CHST3: variants seen among roughly 807,000 people sequenced by gnomAD.
CHST3 encodes carbohydrate sulfotransferase 3.
Under a neutral mutation model 35.4 loss-of-function variants are expected in CHST3, and 20 were observed. The observed-to-expected ratio is 0.57, with a 90% confidence interval of 0.40 to 0.82. CHST3 has a LOEUF of 0.82. Among genes scored for constraint, CHST3 ranks in the 40% least tolerant of loss-of-function variants. CHST3 has a pLI of 0.00. For synonymous variants in CHST3, 334 were observed against 295.9 expected, an observed-to-expected ratio of 1.13 and a Z score of -1.32; for missense variants, 693 against 670.1, an observed-to-expected ratio of 1.03 and a Z score of -0.38.
chr10:71,996,409 CTCTG>C (rs1589504658), intron 1 of CHST3, among the ~76,000 whole-genome samples: 1 of 146,168 alleles, frequency 6.8e-6, no homozygotes, highest in South Asian at 2.2e-4. Context: ...CTCTCCCTCT[CTCTG>C]TCTCTCTACC....
chr10:71,987,197 T>C (rs1839854886), intron 1 of CHST3, among the ~76,000 whole-genome samples: 1 of 151,458 alleles, frequency 6.6e-6, no homozygotes, highest in Non-Finnish European at 1.5e-5. Flanking sequence ...GTGGCCCCTC[T>C]CTCCCTAACC....
chr10:72,007,288 C>A lies in CHST3; in HGVS notation c.257C>A (p.Ala86Asp), dbSNP rs995842020. The change falls in exon 3 of 3, where the codon GCC (alanine) becomes GAC (aspartate). Residue 86 changes from alanine to aspartate, a missense_variant. Coordinates refer to ENST00000373115, the MANE Select transcript of CHST3 (RefSeq NM_004273.5). ...TTGTCCCTGAGCGAGCTCGATTCAG[C>A]CTTCTCCCAGCTTCAGAGCCGTCTC... ...SLLSLSELDS[A>D]FSQLQSRLRN... The A allele has an allele frequency of 6.2e-7, 1 of 1,613,874 alleles. No homozygotes were observed. The highest frequency in any genetic ancestry group is 8.5e-7 in the Non-Finnish European group (1 of 1,179,956).
intron 1 of CHST3, among the ~76,000 whole-genome samples, chr10:71,983,525 A>T (rs1839820148): frequency 1.3e-5 from 2 of 152,084 alleles, no homozygotes. Flanking sequence ...ATCTTGGCTC[A>T]CTGCAACCTC....
intron 1 of CHST3, among the ~76,000 whole-genome samples, chr10:71,994,189 CAGG>C (rs1213302563): frequency 1.3e-5 from 2 of 151,648 alleles, no homozygotes; most frequent in African/African-American, 4.9e-5. Flanking sequence ...CACTTGAGCC[CAGG>C]AGTTTGAGGC....
intron 1 of CHST3, among the ~76,000 whole-genome samples, chr10:72,000,225 G>A (rs149569230): frequency 5.9e-5 from 9 of 152,178 alleles, no homozygotes; most frequent in South Asian, 4.1e-4. Context: ...ACATTGATTC[G>A]TTCATTCATT....
At chr10:71,973,414 G>C (rs1211275365) in intron 1 of CHST3, among the ~76,000 whole-genome samples, 1 of 152,202 alleles carries the variant, frequency 6.6e-6, no homozygotes, top group Admixed American at 6.5e-5. Context: ...AACAGCCCCA[G>C]GGTCCAGTTC....
At chr10:71,994,032 G>A (rs907591313) in intron 1 of CHST3, among the ~76,000 whole-genome samples, 8 of 151,830 alleles carry the variant, frequency 5.3e-5, no homozygotes, top group African/African-American at 1.2e-4. Context: ...CTCGGGAGGC[G>A]GAGGTTGCAG....
At chr10:71,995,620 A>G (rs1421034033) in intron 1 of CHST3, among the ~76,000 whole-genome samples, 1 of 152,114 alleles carries the variant, frequency 6.6e-6, no homozygotes, top group Non-Finnish European at 1.5e-5. Context: ...TGGCAGGGTT[A>G]TTAATTGGCC....
At chr10:72,004,796 GAGACACTT>G (rs776612958) in intron 1 of CHST3, among the ~76,000 whole-genome samples, 3 of 152,136 alleles carry the variant, frequency 2.0e-5, no homozygotes, top group Non-Finnish European at 4.4e-5. Context: ...CCCACCCCAG[GAGACACTT>G]AGCAATGTCT....
Position 72,007,904 on chromosome 10 carries a change from C to G in CHST3, c.873C>G (p.Arg291=). Reference sequence around the variant, plus strand: ...TGCAGCCGCTGGCCGAGGACCCCCGCCTGGACCTGCGCGTCATCCAGCTGG... The same window carrying G: ...TGCAGCCGCTGGCCGAGGACCCCCGGCTGGACCTGCGCGTCATCCAGCTGG... ...EFLQPLAEDP[R]LDLRVIQLVR... Residue 291 remains arginine, a synonymous_variant, in exon 3 of 3, where the codon CGC becomes CGG. Transcript: ENST00000373115. 1 of 1,571,466 alleles carries G rather than the reference C, an allele frequency of 6.4e-7. No individual in the cohort carries two copies. The highest frequency in any genetic ancestry group is 2.4e-5 in the East Asian group (1 of 42,302).
At position 72,007,544 on chromosome 10, in the gene CHST3, A is replaced by G. The variant is rs567771631; in HGVS notation, c.513A>G (p.Thr171=). The G allele has an allele frequency of 4.6e-5, 74 of 1,605,928 alleles. No individual in the cohort carries two copies. The East Asian group carries it at 1.5e-3, about 33-fold the overall frequency. The change falls in exon 3 of 3, where the codon ACA becomes ACG. Residue 171 remains threonine (T), a synonymous_variant. Coordinates refer to ENST00000373115, the MANE Select transcript of CHST3 (RefSeq NM_004273.5). ...LFEPLWHIER[T]VSFEPGGANA... ...AGCCGCTGTGGCACATCGAGCGCAC[A>G]GTGTCCTTCGAGCCGGGGGGCGCCA...
intron 1 of CHST3, among the ~76,000 whole-genome samples, chr10:71,973,901 A>G (rs1839719854): frequency 6.6e-6 from 1 of 152,290 alleles, no homozygotes; most frequent in Non-Finnish European, 1.5e-5. Context: ...AATGTATAGG[A>G]TACACGAGGA....
At chr10:71,990,547 G>T (rs768790176) in intron 1 of CHST3, among the ~76,000 whole-genome samples, 2 of 152,140 alleles carry the variant, frequency 1.3e-5, no homozygotes, top group South Asian at 4.2e-4. Flanking sequence ...ATTTTTATTA[G>T]AGATGGGGTT....
chr10:71,984,043 GAC>G (rs774054800), intron 1 of CHST3, among the ~76,000 whole-genome samples: 4 of 152,208 alleles, frequency 2.6e-5, no homozygotes, highest in Non-Finnish European at 4.4e-5. Context: ...TTTGTTTTGA[GAC>G]ACAGTCTCAC....
chr10:71,971,833 G>A (rs1839697929), intron 1 of CHST3, among the ~76,000 whole-genome samples: 2 of 152,186 alleles, frequency 1.3e-5, no homozygotes, highest in South Asian at 4.1e-4. Flanking sequence ...CAGGTTTGAT[G>A]TGTCTGAAGA....
intron 1 of CHST3, among the ~76,000 whole-genome samples, chr10:71,978,483 A>G (rs1022727640): frequency 3.9e-5 from 6 of 152,148 alleles, no homozygotes; most frequent in Non-Finnish European, 8.8e-5. Context: ...CATGAACTCA[A>G]CAATCCGCTC....
rs1589509492 is a variant in CHST3, at chr10:72,007,717, G to A, written c.686G>A (p.Cys229Tyr). The A allele has an allele frequency of 6.2e-7, 1 of 1,605,954 alleles. No individual in the cohort carries two copies. Among genetic ancestry groups the A allele is most frequent in the Non-Finnish European group, 8.5e-7 (1 of 1,179,710 alleles). Residue 229 changes from cysteine (C) to tyrosine (Y), a missense_variant, in exon 3 of 3, where the codon TGC becomes TAC. Cys to Tyr is a radical substitution (Grantham distance 194, BLOSUM62 -2). Transcript: ENST00000373115. ...CGCCGGGGCTCCAGCCGCTCCCTGT[G>A]CGAGGACCCCGTCTGTACGCCCTTC... The part of the protein sequence containing the change: ...MFRRGSSRSL[C>Y]EDPVCTPFVK...
rs3740128 is a variant in CHST3, at chr10:72,008,075, C to G, written c.1044C>G (p.Ile348Met). 446 of 1,545,944 alleles carry G rather than the reference C, an allele frequency of 2.9e-4. 9 individuals are homozygous for G. In the East Asian group the frequency reaches 0.011, roughly 38 times the overall value. Residue 348 changes from isoleucine to methionine, a missense_variant, in exon 3 of 3, where the codon ATC becomes ATG. By Grantham distance (10) the Ile-to-Met change is conservative (BLOSUM62 1). Transcript: ENST00000373115. ...GGCTGCGGGGCAACTGCGAGAGCAT[C>G]CGCCTGTCCGCGGAGCTGGGGCTGC... Reference protein sequence around the residue: ...VQRLRGNCESIRLSAELGLRQ... With the variant: ...VQRLRGNCESMRLSAELGLRQ...
intron 1 of CHST3, among the ~76,000 whole-genome samples, chr10:71,974,201 A>G (rs1839723140): frequency 6.6e-6 from 1 of 152,256 alleles, no homozygotes; most frequent in Non-Finnish European, 1.5e-5. Context: ...AATTGAGGTC[A>G]GATCATAGAG....
Sources: allele counts gnomAD v4.1 joint callset (sites outside exome capture counted in the v4.1 genomes callset), GRCh38; gene constraint gnomAD v4.1.1; transcripts MANE v1.5; gene names NCBI Gene and HGNC (gene_info 2026-07-23, HGNC 2026-07-21).